TRIM37: variants seen among roughly 807,000 people sequenced by gnomAD.
TRIM37 encodes the protein E3 ubiquitin-protein ligase TRIM37.
Under a neutral mutation model 129.8 loss-of-function variants are expected in TRIM37, and 80 were observed. That is an observed-to-expected ratio of 0.62 (90% confidence interval 0.51 to 0.74). The LOEUF (loss-of-function observed/expected upper bound fraction) is 0.74, where lower values mean the gene tolerates loss of function less well. TRIM37 is among the 30% of genes least tolerant of loss of function. The pLI, the probability that TRIM37 is intolerant of heterozygous loss-of-function variation, is 0.00. For synonymous variants in TRIM37, 389 were observed against 387.1 expected, an observed-to-expected ratio of 1.00 and a Z score of -0.06; for missense variants, 1,054 against 1,176.5, an observed-to-expected ratio of 0.90 and a Z score of 1.52.
chr17:59,067,194 T>A (rs1047182948), intron 9 of TRIM37, among the ~76,000 whole-genome samples: 7 of 152,180 alleles, frequency 4.6e-5, no homozygotes, highest in African/African-American at 1.4e-4. Context: ...CATCTCCATA[T>A]TATGCTCATT....
downstream of TRIM37, among the ~76,000 whole-genome samples, chr17:58,994,148 G>A (rs949239122): frequency 2.0e-5 from 3 of 152,078 alleles, no homozygotes; most frequent in Non-Finnish European, 4.4e-5. Flanking sequence ...ATAAATAAGA[G>A]GGAAGGCCAG....
intron 19 of TRIM37, among the ~76,000 whole-genome samples, chr17:59,027,009 A>C (rs1305343160): frequency 6.6e-6 from 1 of 152,174 alleles, no homozygotes; most frequent in Admixed American, 6.5e-5. Flanking sequence ...ACAGAGTCAA[A>C]AATTTTGCTT....
rs367941312 is a variant in TRIM37, at chr17:59,075,719, T to C, written c.617-5A>G. The C allele has an allele frequency of 3.4e-5, 55 of 1,600,744 alleles. No homozygotes were observed. The South Asian group carries it at 4.6e-4, about 13-fold the overall frequency. On this transcript the variant is annotated splice_polypyrimidine_tract_variant and splice_region_variant and intron_variant, in intron 7 of 23. Transcript: ENST00000262294. ...GGGTTAGAGATGTCTTCTGACCTGA[T>C]GAAAAATAGTGAATCATCAACACTT...
chr17:59,095,861 G>A (rs570390609), intron 2 of TRIM37, among the ~76,000 whole-genome samples: 3 of 152,270 alleles, frequency 2.0e-5, no homozygotes, highest in African/African-American at 7.2e-5. Context: ...TGAGGCTACA[G>A]GTGTGCCCAC....
intron 16 of TRIM37, 48 bp from the exon 17 acceptor site, chr17:59,041,946 G>A (rs369034001): frequency 3.5e-5 from 49 of 1,420,186 alleles, no homozygotes; most frequent in African/African-American, 8.4e-5. Context: ...TACAATAAAC[G>A]TTGTTTTTCA....
intron 12 of TRIM37, among the ~76,000 whole-genome samples, chr17:59,058,087 T>C (rs1049496114): frequency 3.3e-5 from 5 of 152,226 alleles, no homozygotes; most frequent in Non-Finnish European, 5.9e-5. Context: ...AATATAAATT[T>C]TGAAATACTC....
At chr17:59,100,815 G>T (rs567518344) in intron 2 of TRIM37, among the ~76,000 whole-genome samples, 4 of 152,092 alleles carry the variant, frequency 2.6e-5, no homozygotes, top group Admixed American at 1.3e-4. Flanking sequence ...CTGAGGTCAG[G>T]AGTTTGAGAC....
At chr17:59,081,628 C>T (rs997927218) in intron 5 of TRIM37, among the ~76,000 whole-genome samples, 7 of 152,038 alleles carry the variant, frequency 4.6e-5, no homozygotes, top group African/African-American at 1.7e-4. Flanking sequence ...TAATTATTAG[C>T]CAGGGGTGGT....
downstream of TRIM37, among the ~76,000 whole-genome samples, chr17:58,979,579 C>CAAGG (rs1412642429): frequency 1.4e-4 from 22 of 152,274 alleles, no homozygotes; most frequent in African/African-American, 4.8e-4. Flanking sequence ...TCAATTAAAT[C>CAAGG]AAAACCACCT....
intron 2 of TRIM37, among the ~76,000 whole-genome samples, chr17:59,099,532 T>C (rs932997945): frequency 1.3e-5 from 2 of 152,134 alleles, no homozygotes; most frequent in Non-Finnish European, 2.9e-5. Context: ...TGGAAAATTT[T>C]GTTATATTTA....
intron 19 of TRIM37, among the ~76,000 whole-genome samples, chr17:59,021,994 G>A (rs1049627198): frequency 2.0e-4 from 30 of 152,086 alleles, no homozygotes; most frequent in Non-Finnish European, 3.1e-4. Flanking sequence ...TTCTAACTCT[G>A]AGTTACTATA....
chr17:59,052,967 C>CAAATA (rs2040495085), intron 13 of TRIM37, among the ~76,000 whole-genome samples: 1 of 150,834 alleles, frequency 6.6e-6, no homozygotes, highest in African/African-American at 2.4e-5. Flanking sequence ...AAAATCAAAT[C>CAAATA]AAATCAAATC....
intron 5 of TRIM37, among the ~76,000 whole-genome samples, chr17:59,083,312 C>A (rs1168732433): frequency 1.3e-5 from 2 of 151,904 alleles, no homozygotes; most frequent in African/African-American, 2.4e-5. Flanking sequence ...GTGGCACATG[C>A]CTGTAATCCT....
chr17:58,989,256 C>A (rs1017164606), intron 24 of TRIM37, among the ~76,000 whole-genome samples: 1 of 151,682 alleles, frequency 6.6e-6, no homozygotes, highest in Non-Finnish European at 1.5e-5. Context: ...GTCAACATGG[C>A]GAAACCCCGT....
chr17:59,048,561 A>G (rs1203743645), intron 15 of TRIM37, among the ~76,000 whole-genome samples: 1 of 152,144 alleles, frequency 6.6e-6, no homozygotes, highest in Non-Finnish European at 1.5e-5. Context: ...ATGATAAGGC[A>G]TGTACTAGTT....
chr17:59,002,875 C>A (rs1294611082), intron 22 of TRIM37, among the ~76,000 whole-genome samples: 3 of 151,988 alleles, frequency 2.0e-5, no homozygotes, highest in South Asian at 2.1e-4. Context: ...CCACCCCCTG[C>A]ATAATGTTAA....
At chr17:59,006,061 G>C (rs1567950382) in intron 22 of TRIM37, among the ~76,000 whole-genome samples, 1 of 151,980 alleles carries the variant, frequency 6.6e-6, no homozygotes, top group Non-Finnish European at 1.5e-5. Flanking sequence ...AAGACAATTA[G>C]AATAATGTTT....
chr17:58,998,285 T>C lies in TRIM37; in HGVS notation c.*1092A>G. On this transcript the variant is annotated 3_prime_UTR_variant, in exon 24 of 24. Transcript: ENST00000262294. The stretch of plus-strand genomic sequence containing the variant: ...ATGAGTCACAGCATTCAGCAAGACA[T>C]CAGACACGGAAGAGTGAACAATATT... 1 of 985,432 alleles carries C rather than the reference T, an allele frequency of 1.0e-6. No homozygotes were observed. The highest frequency in any genetic ancestry group is 1.2e-6 in the Non-Finnish European group (1 of 829,914). The allele number at this position is 985,432 out of a possible 1,614,324, so 61.0% of individuals were successfully genotyped here. A position where few individuals can be genotyped will look rare whatever the true frequency, so the allele number is the denominator to read the frequency against.
intron 2 of TRIM37, among the ~76,000 whole-genome samples, chr17:59,103,396 C>T (rs1011262719): frequency 6.6e-6 from 1 of 152,016 alleles, no homozygotes; most frequent in Non-Finnish European, 1.5e-5. Context: ...GGCTGGAGTG[C>T]ACTGGCATGA....
Sources: gnomAD v4.1 joint callset for allele counts (sites outside exome capture counted in the v4.1 genomes callset) on GRCh38, gnomAD v4.1.1 for gene constraint, MANE v1.5 for transcripts, NCBI Gene and HGNC (gene_info 2026-07-23, HGNC 2026-07-21) for gene names.